The following RPS6KC1 variants were observed in gnomAD, a reference collection of about 807,000 sequenced individuals.
RPS6KC1 encodes ribosomal protein S6 kinase C1, also known as inactive ribosomal protein S6 kinase delta-1.
A neutral mutation model predicts 103.8 loss-of-function variants in RPS6KC1; 54 were observed. The observed-to-expected ratio is 0.52, with a 90% CI of 0.42 to 0.65. The LOEUF (loss-of-function observed/expected upper bound fraction) is 0.65, where lower values mean the gene tolerates loss of function less well. Among genes scored for constraint, RPS6KC1 ranks in the 30% least tolerant of loss-of-function variants. The probability of loss-of-function intolerance (pLI) is 0.00; values close to 1 mark genes in which losing one functional copy is unlikely to be tolerated. For synonymous variants in RPS6KC1, 439 were observed against 438.7 expected (o/e 1.00, Z -0.01); for missense variants, 1,151 against 1,253.8 (o/e 0.92, Z 1.24).
chr1:213,114,869 A>G (rs920218237), intron 4 of RPS6KC1, among the ~76,000 whole-genome samples: 7 of 152,296 alleles, frequency 4.6e-5, no homozygotes, highest in Non-Finnish European at 8.8e-5. Context: ...TGATTTGCAT[A>G]TATTGAACCA....
At chr1:213,066,064 G>T (rs938996739) in intron 1 of RPS6KC1, among the ~76,000 whole-genome samples, 1 of 152,194 alleles carries the variant, frequency 6.6e-6, no homozygotes, top group African/African-American at 2.4e-5. Flanking sequence ...AGAAAATGAA[G>T]TGATTCATTA....
the RPS6KC1 span, among the ~76,000 whole-genome samples, chr1:213,791,882 G>A: frequency 6.6e-6 from 1 of 152,000 alleles, no homozygotes; most frequent in Non-Finnish European, 1.5e-5. Context: ...CCGAACTGTC[G>A]GCCAACCCTG....
At chr1:213,851,740 C>T in the RPS6KC1 span, among the ~76,000 whole-genome samples, 1 of 152,148 alleles carries the variant, frequency 6.6e-6, no homozygotes. Flanking sequence ...GTCCCTCCCC[C>T]ACCAAATCTG....
the RPS6KC1 span, among the ~76,000 whole-genome samples, chr1:213,601,499 T>C: frequency 6.7e-6 from 1 of 149,710 alleles, no homozygotes; most frequent in Non-Finnish European, 1.5e-5. Flanking sequence ...AATATATATT[T>C]ATATACTTAT....
the RPS6KC1 span, among the ~76,000 whole-genome samples, chr1:213,280,972 A>T: frequency 6.6e-6 from 1 of 152,134 alleles, no homozygotes; most frequent in Non-Finnish European, 1.5e-5. Context: ...CAGGCTTTGC[A>T]CTGCTTTCTT....
intron 13 of RPS6KC1, 133 bp from the exon 14 acceptor site, chr1:213,262,588 G>C (rs567115530): frequency 3.0e-6 from 2 of 658,000 alleles, no homozygotes; most frequent in Non-Finnish European, 5.5e-6. Context: ...CTGCTTAGGC[G>C]GCACTGTGTT....
chr1:213,078,178 G>A (rs1200429034), intron 3 of RPS6KC1, among the ~76,000 whole-genome samples: 1 of 147,360 alleles, frequency 6.8e-6, no homozygotes, highest in Non-Finnish European at 1.5e-5. Context: ...AGTATGAATG[G>A]TGTGGTTTTC....
the RPS6KC1 span, among the ~76,000 whole-genome samples, chr1:213,602,120 C>CTTTCTTTCTTTGTTCTTTCTT: frequency 1.9e-4 from 1 of 5,154 alleles, no homozygotes; most frequent in Non-Finnish European, 3.7e-4. Context: ...TTCTTTCTTT[C>CTTTCTTTCTTTGTTCTTTCTT]TCTTTCTTTC....
the RPS6KC1 span, among the ~76,000 whole-genome samples, chr1:213,485,257 A>G: frequency 5.3e-5 from 8 of 152,148 alleles, no homozygotes; most frequent in Non-Finnish European, 8.8e-5. Flanking sequence ...AACACACCAC[A>G]GTGTTCTCCC....
intron 14 of RPS6KC1, among the ~76,000 whole-genome samples, chr1:213,266,075 G>A (rs907738533): frequency 4.6e-5 from 7 of 152,150 alleles, no homozygotes; most frequent in Non-Finnish European, 1.0e-4. Context: ...GATAAGTGTC[G>A]TGTATATCTT....
At chr1:213,454,044 A>C in the RPS6KC1 span, among the ~76,000 whole-genome samples, 3 of 152,188 alleles carry the variant, frequency 2.0e-5, no homozygotes, top group African/African-American at 7.2e-5. Flanking sequence ...CTATGTGTTA[A>C]TCCACTATGT....
the RPS6KC1 span, among the ~76,000 whole-genome samples, chr1:213,618,293 CA>C: frequency 1.3e-5 from 2 of 152,198 alleles, no homozygotes; most frequent in South Asian, 4.1e-4. Context: ...ATCATACCCA[CA>C]ACTCCTTTGA....
chr1:213,167,738 T>G (rs1558463135), intron 6 of RPS6KC1, 120 bp from the exon 7 acceptor site: 1 of 509,600 alleles, frequency 2.0e-6, no homozygotes, highest in South Asian at 4.1e-5. Flanking sequence ...TTTCCAATTT[T>G]GAATATCTCT....
chr1:213,843,500 C>T, the RPS6KC1 span: 5 of 152,206 alleles, frequency 3.3e-5, no homozygotes, highest in Non-Finnish European at 5.9e-5. Flanking sequence ...CAACCTGAAG[C>T]ACTGGAAAGT....
chr1:213,595,777 T>C, the RPS6KC1 span, among the ~76,000 whole-genome samples: 45 of 152,350 alleles, frequency 3.0e-4, 1 homozygote, highest in South Asian at 8.9e-3. Context: ...TGTGGCATTC[T>C]CAAAATTCAG....
At chr1:213,516,318 G>C in the RPS6KC1 span, among the ~76,000 whole-genome samples, 1 of 152,138 alleles carries the variant, frequency 6.6e-6, no homozygotes, top group Non-Finnish European at 1.5e-5. Flanking sequence ...AGTTTTCAAA[G>C]GGAATGCTTC....
chr1:213,211,644 GAT>G (rs2093510226), intron 8 of RPS6KC1, among the ~76,000 whole-genome samples: 1 of 152,134 alleles, frequency 6.6e-6, no homozygotes, highest in Non-Finnish European at 1.5e-5. Flanking sequence ...ACATATAAAA[GAT>G]ATTTCTTTGA....
At chr1:213,121,461 T>A (rs574534996) in intron 5 of RPS6KC1, among the ~76,000 whole-genome samples, 1 of 152,326 alleles carries the variant, frequency 6.6e-6, no homozygotes, top group South Asian at 2.1e-4. Flanking sequence ...TAAACTATAT[T>A]TTTTCAAAGA....
intron 3 of RPS6KC1, among the ~76,000 whole-genome samples, chr1:213,096,356 T>A (rs1182710206): frequency 2.6e-5 from 4 of 152,072 alleles, no homozygotes; most frequent in African/African-American, 9.7e-5. Flanking sequence ...CTTGAACCCC[T>A]CAAAGTCATC....
Sources: gnomAD v4.1 joint callset for allele counts (sites outside exome capture counted in the v4.1 genomes callset) on GRCh38, gnomAD v4.1.1 for gene constraint, MANE v1.5 for transcripts, NCBI Gene and HGNC (gene_info 2026-07-23, HGNC 2026-07-21) for gene names.